The following SLCO3A1 variants were observed in gnomAD, a reference collection of about 807,000 sequenced individuals.
SLCO3A1 encodes PGE1 transporter.
A neutral mutation model predicts 63.1 loss-of-function variants in SLCO3A1; 27 were observed. The ratio of observed to expected loss-of-function variants is 0.43; its 90% confidence interval spans 0.32 to 0.59. SLCO3A1 has a LOEUF of 0.59. Ranked by LOEUF, SLCO3A1 falls within the 20% of genes least tolerant of loss-of-function variation. The probability of loss-of-function intolerance (pLI) is 0.09; values close to 1 mark genes in which losing one functional copy is unlikely to be tolerated. For synonymous variants in SLCO3A1, 473 were observed against 409.9 expected (o/e 1.15, Z -1.86); for missense variants, 773 against 945.8 (o/e 0.82, Z 2.40).
At chr15:91,957,703 C>T (rs1900290463) in intron 2 of SLCO3A1, among the ~76,000 whole-genome samples, 1 of 152,172 alleles carries the variant, frequency 6.6e-6, no homozygotes, top group Admixed American at 6.5e-5. Context: ...AGTTGTATCC[C>T]TGTTGTCATG....
intron 2 of SLCO3A1, among the ~76,000 whole-genome samples, chr15:92,060,103 A>G (rs1159434150): frequency 2.0e-5 from 3 of 152,184 alleles, no homozygotes; most frequent in Admixed American, 1.3e-4. Context: ...TGGTACACCT[A>G]TAGAGGGCAC....
In SLCO3A1 at chr15:91,859,362, C is replaced by G. The variant is rs1896997330; in HGVS notation, c.180+5274C>G. On this transcript the variant is annotated intron_variant, in intron 1 of 9. Coordinates refer to ENST00000318445, the MANE Select transcript of SLCO3A1 (RefSeq NM_013272.4). This position sits in a 1 kb window ranked among gnomAD's most constrained non-coding sequence, Gnocchi z 5.1. ...TCTGTATCTGGAAAACAGATATAAA[C>G]AGGAAAAACAGTGGAATCATGGACC... Among the ~76,000 whole-genome samples, 1 of 152,140 alleles carries G rather than the reference C, an allele frequency of 6.6e-6. No homozygotes were observed. Among genetic ancestry groups the G allele is most frequent in the Non-Finnish European group, 1.5e-5 (1 of 68,016 alleles).
chr15:91,911,549 A>T (rs954693584), intron 1 of SLCO3A1, among the ~76,000 whole-genome samples: 1 of 152,192 alleles, frequency 6.6e-6, no homozygotes, highest in Non-Finnish European at 1.5e-5. Context: ...CTGAATGGTC[A>T]GTGGTCCTCA....
rs1327113741 is a variant in SLCO3A1, at chr15:91,894,736, G to T, written c.181-21257G>T. Reference sequence around the variant, plus strand: ...TCTGAGATTTTTGAATTTCTAAAAGGCTCTCTGGTGATGTCAGCTACTCCT... The same window carrying T: ...TCTGAGATTTTTGAATTTCTAAAAGTCTCTCTGGTGATGTCAGCTACTCCT... On this transcript the variant is annotated intron_variant, in intron 1 of 9. Transcript: ENST00000318445. This position sits in a 1 kb window ranked among gnomAD's most constrained non-coding sequence, Gnocchi z 4.8. Among the ~76,000 whole-genome samples the T allele has an allele frequency of 2.6e-5, 4 of 152,180 alleles. No homozygotes were observed. The highest frequency in any genetic ancestry group is 5.9e-5 in the Non-Finnish European group (4 of 68,032).
rs1280893260 is a variant in SLCO3A1 at position 92,162,656 on chromosome 15, T to C, written c.1754-100T>C. 4.0e-6 allele frequency: 6 copies of C among 1,505,160 alleles called. No individual in the cohort carries two copies. In the Admixed American group the frequency reaches 9.2e-5, roughly 23 times the overall value. 93.2% of individuals were successfully genotyped at this position (1,505,160 alleles called of 1,614,324 possible). Reference sequence around the variant, plus strand: ...TGTCTTTGAGCCACGGAGTCAGACATATTTGCCTAGCAGTGCTATAAGAAA... The same window carrying C: ...TGTCTTTGAGCCACGGAGTCAGACACATTTGCCTAGCAGTGCTATAAGAAA... On this transcript the variant is annotated intron_variant, in intron 9 of 9. Transcript: ENST00000318445.
intron 2 of SLCO3A1, among the ~76,000 whole-genome samples, chr15:92,032,709 G>T (rs1404243086): frequency 6.6e-6 from 1 of 152,188 alleles, no homozygotes. Flanking sequence ...CCCATCGAAG[G>T]CGGTTGCGAT....
Position 91,929,442 on chromosome 15 carries a change from G to A in SLCO3A1, c.646+12984G>A, listed in dbSNP as rs538391998. ...GAGATTAAATTGGGTGAGGGACCAC[G>A]TGTTCCATGTTGGAGCATTGGTGCA... On this transcript the variant is annotated intron_variant, in intron 2 of 9. Coordinates refer to ENST00000318445, the MANE Select transcript of SLCO3A1 (RefSeq NM_013272.4). Among the ~76,000 whole-genome samples, 9 of 152,318 alleles carry A rather than the reference G, an allele frequency of 5.9e-5. No individual in the cohort carries two copies. In the South Asian group the frequency reaches 1.7e-3, roughly 28 times the overall value.
chr15:92,126,195 T>G lies in SLCO3A1; in HGVS notation c.1309T>G (p.Ser437Ala). The G allele has an allele frequency of 6.2e-7, 1 of 1,614,044 alleles. No individual in the cohort carries two copies. The highest frequency in any genetic ancestry group is 8.5e-7 in the Non-Finnish European group (1 of 1,180,026). The change falls in exon 6 of 10, where the codon TCC (serine) becomes GCC (alanine). Residue 437 changes from serine to alanine, a missense_variant. Ser to Ala is a moderately conservative substitution (Grantham distance 99). Around this residue, in one of 3 missense-constraint regions of SLCO3A1, gnomAD observed 565 missense variants for 749.8 expected, o/e 0.75. Coordinates refer to ENST00000318445, the MANE Select transcript of SLCO3A1 (RefSeq NM_013272.4). Reference protein sequence around the residue: ...VNLVSTACYVSFLFLGCDTGP... With the variant: ...VNLVSTACYVAFLFLGCDTGP... Reference sequence around the variant, plus strand: ...CCTGGTGTCCACTGCTTGCTACGTCTCCTTCCTCTTCCTGGGCTGCGACAC... The same window carrying G: ...CCTGGTGTCCACTGCTTGCTACGTCGCCTTCCTCTTCCTGGGCTGCGACAC...
At chr15:92,130,674 C>T (rs2047981679) in intron 7 of SLCO3A1, among the ~76,000 whole-genome samples, 1 of 152,162 alleles carries the variant, frequency 6.6e-6, no homozygotes, top group African/African-American at 2.4e-5. Context: ...GTAATGGGGC[C>T]TTCCGTGTGT....
At chr15:91,936,708 C>G (rs534029838) in intron 2 of SLCO3A1, among the ~76,000 whole-genome samples, 8 of 152,286 alleles carry the variant, frequency 5.3e-5, no homozygotes, top group African/African-American at 1.9e-4. Flanking sequence ...AGGAGTTTCT[C>G]CAAGGTGAAG....
chr15:91,963,049 A>C (rs988324880), intron 2 of SLCO3A1, among the ~76,000 whole-genome samples: 1 of 152,132 alleles, frequency 6.6e-6, no homozygotes, highest in African/African-American at 2.4e-5. Context: ...TACTTAATCT[A>C]AATGGGTCCG....
intron 5 of SLCO3A1, among the ~76,000 whole-genome samples, chr15:92,122,451 C>T (rs2047873775): frequency 6.6e-6 from 1 of 152,214 alleles, no homozygotes; most frequent in South Asian, 2.1e-4. Context: ...GAGAAATGTA[C>T]ATTGGAACCA....
intron 3 of SLCO3A1, among the ~76,000 whole-genome samples, 165 bp from the exon 4 acceptor site, chr15:92,104,114 C>T (rs556902929): frequency 3.9e-5 from 6 of 152,250 alleles, no homozygotes; most frequent in South Asian, 2.1e-4. Context: ...GAAACAGAAC[C>T]GCTGGTGTGG....
At chr15:91,911,857 C>G (rs1898497545) in intron 1 of SLCO3A1, among the ~76,000 whole-genome samples, 1 of 152,038 alleles carries the variant, frequency 6.6e-6, no homozygotes, top group Admixed American at 6.5e-5. Flanking sequence ...GATCTCTTGA[C>G]CTTGTGATCC....
At chr15:91,879,958 T>C (rs781289337) in intron 1 of SLCO3A1, among the ~76,000 whole-genome samples, 4 of 152,264 alleles carry the variant, frequency 2.6e-5, no homozygotes, top group East Asian at 3.9e-4. Context: ...GGAAGGGCCC[T>C]TGGATCTCTT....
Position 91,990,139 on chromosome 15 carries a change from G to C in SLCO3A1, c.646+73681G>C, listed in dbSNP as rs533466570. The stretch of plus-strand genomic sequence containing the variant: ...TGCTTTAAGATGAGGGAAATGGGCA[G>C]TTTTTTTCTTTGGAGGCAGTCACTG... On this transcript the variant is annotated intron_variant, in intron 2 of 9. Transcript: ENST00000318445. Among the ~76,000 whole-genome samples, 46 of 152,242 alleles carry C rather than the reference G, an allele frequency of 3.0e-4. No homozygotes were observed. The South Asian group carries it at 9.5e-3, about 32-fold the overall frequency.
intron 2 of SLCO3A1, among the ~76,000 whole-genome samples, chr15:92,001,798 G>A (rs17518458): frequency 0.037 from 5,437 of 148,080 alleles, 145 homozygotes; most frequent in Non-Finnish European, 0.052. Flanking sequence ...GAAACGTGAC[G>A]ACTGAAATCC....
intron 1 of SLCO3A1, among the ~76,000 whole-genome samples, chr15:91,877,890 G>A (rs767084266): frequency 1.2e-4 from 18 of 152,048 alleles, no homozygotes; most frequent in Non-Finnish European, 2.5e-4. Flanking sequence ...TTTGGATGGA[G>A]CCACCCTTCC....
chr15:92,132,720 T>C (rs1186784439), intron 7 of SLCO3A1, among the ~76,000 whole-genome samples: 1 of 144,514 alleles, frequency 6.9e-6, no homozygotes, highest in East Asian at 1.9e-4. Flanking sequence ...GACTAATTCA[T>C]CCCCCCCATT....
Sources: allele counts gnomAD v4.1 joint callset (sites outside exome capture counted in the v4.1 genomes callset), GRCh38; gene constraint gnomAD v4.1.1; regional missense constraint gnomAD v4.1.1; non-coding constraint Gnocchi (gnomAD v3.1); transcripts MANE v1.5; gene names NCBI Gene and HGNC (gene_info 2026-07-23, HGNC 2026-07-21).